The following SLC6A13 variants were observed in gnomAD, a reference collection of about 807,000 sequenced individuals.
SLC6A13 encodes the protein sodium- and chloride-dependent GABA transporter 2.
Under a neutral mutation model 72.9 loss-of-function variants are expected in SLC6A13, and 69 were observed. The observed-to-expected ratio is 0.95, with a 90% CI of 0.78 to 1.16. The LOEUF is 1.16. Among genes scored for constraint, SLC6A13 ranks in the 50% most tolerant of loss-of-function variants. The pLI is 0.00. For synonymous variants in SLC6A13, 303 were observed against 303.0 expected (o/e 1.00, Z 0.00); for missense variants, 735 against 760.5 (o/e 0.97, Z 0.39).
At position 220,770 on chromosome 12, in the gene SLC6A13, CCT is replaced by C; in HGVS notation, c.*176_*177del. ...GGCCTTTCACATCTGTTCAACAACC[CCT>C]GAGCTGAAAAGTTGCAGTGGGAGGC... On this transcript the variant is annotated 3_prime_UTR_variant, in exon 15 of 15. Transcript: ENST00000343164. The C allele has an allele frequency of 1.5e-6, 1 of 674,764 alleles. No homozygotes were observed. The allele number at this position is 674,764 out of a possible 1,614,324, so 41.8% of individuals were successfully genotyped here.
chr12:223,726 C>CAA (rs1330690528), intron 11 of SLC6A13: 2 of 439,886 alleles, frequency 4.5e-6, no homozygotes, highest in Non-Finnish European at 8.3e-6. Flanking sequence ...CAGCTTCTCC[C>CAA]AATCCAATGC....
chr12:258,041 G>C (rs1942804176), intron 2 of SLC6A13, among the ~76,000 whole-genome samples: 1 of 152,198 alleles, frequency 6.6e-6, no homozygotes, highest in African/African-American at 2.4e-5. Context: ...CGTCTCTCCT[G>C]ATTCTCCAAA....
intron 2 of SLC6A13, among the ~76,000 whole-genome samples, chr12:247,512 G>A (rs917018424): frequency 3.9e-5 from 6 of 152,240 alleles, no homozygotes; most frequent in East Asian, 1.9e-4. Flanking sequence ...TGTTCAAAAA[G>A]GAAAGTGAAA....
chr12:245,282 C>A (rs1942308532), intron 2 of SLC6A13, among the ~76,000 whole-genome samples: 2 of 152,228 alleles, frequency 1.3e-5, no homozygotes, highest in Admixed American at 1.3e-4. Context: ...ATAATTATCC[C>A]TAGACCGAGC....
Position 261,949 on chromosome 12 carries a change from T to C in SLC6A13, c.-6+840A>G, listed in dbSNP as rs547023950. 9.2e-4 allele frequency among the ~76,000 whole-genome samples: 137 copies of C among 148,852 alleles called. 2 individuals are homozygous for C. The highest frequency in any genetic ancestry group is 3.6e-3 in the Admixed American group (54 of 14,950). On this transcript the variant is annotated intron_variant, in intron 1 of 14. Transcript: ENST00000343164. ...TCAAAAAAAAGAAAAAAAAAAAAAG[T>C]CAGGGAACAGCAGGCATCTATGTTT... is the stretch of plus-strand genomic sequence containing the variant.
chr12:236,492 C>T (rs983070265), intron 6 of SLC6A13, among the ~76,000 whole-genome samples: 1 of 152,244 alleles, frequency 6.6e-6, no homozygotes, highest in Non-Finnish European at 1.5e-5. Context: ...ATCCCTTGAG[C>T]CACAGCCTCC....
chr12:234,431 C>G (rs1397733295), intron 7 of SLC6A13, among the ~76,000 whole-genome samples: 3 of 152,084 alleles, frequency 2.0e-5, no homozygotes, highest in African/African-American at 7.2e-5. Context: ...AACCAGTAGC[C>G]CTGGGGCTGC....
At chr12:256,015 C>T (rs146253020) in intron 2 of SLC6A13, among the ~76,000 whole-genome samples, 1 of 152,296 alleles carries the variant, frequency 6.6e-6, no homozygotes, top group East Asian at 1.9e-4. Flanking sequence ...AGGCTTTGCT[C>T]ACATGCTCTC....
At position 235,125 on chromosome 12, in the gene SLC6A13, G is replaced by A; in HGVS notation, c.796C>T (p.Leu266=). 1.2e-6 allele frequency: 2 copies of A among 1,614,216 alleles called. No individual in the cohort carries two copies. Among genetic ancestry groups the A allele is most frequent in the South Asian group, 1.1e-5 (1 of 91,082 alleles). The part of the protein sequence containing the change: ...PGAAQGIQFY[L]YPNLTRLWDP... ...CACAGACGCGTGAGGTTTGGGTACA[G>A]GTAAAACTGAATTCCTTGGGCTGCC... Residue 266 remains leucine, a synonymous_variant, in exon 7 of 15, where the codon CTG becomes TTG. Coordinates refer to ENST00000343164, the MANE Select transcript of SLC6A13 (RefSeq NM_016615.5).
chr12:231,160 G>C (rs905205298), intron 7 of SLC6A13, among the ~76,000 whole-genome samples: 1 of 152,216 alleles, frequency 6.6e-6, no homozygotes, highest in East Asian at 1.9e-4. Context: ...TAAAGCACAC[G>C]CTCCAGCAGA....
At chr12:260,343 G>A (rs994809304) in intron 1 of SLC6A13, among the ~76,000 whole-genome samples, 1 of 152,200 alleles carries the variant, frequency 6.6e-6, no homozygotes, top group African/African-American at 2.4e-5. Flanking sequence ...TGCAGACATG[G>A]AGGAGTTCAT....
At chr12:234,969 C>A in intron 7 of SLC6A13, 121 bp downstream of exon 7, 1 of 1,108,302 alleles carries the variant, frequency 9.0e-7, no homozygotes, top group Non-Finnish European at 1.3e-6. Context: ...TGCACCTCTG[C>A]TGCCACTGTG....
In SLC6A13 at chr12:235,184, A is replaced by G. The variant is rs771340967; in HGVS notation, c.737T>C (p.Val246Ala). ...CGTCACCCCTCGAATTAACAGGACC[A>G]CCAGCATGAGGTAAGGAAATGTGGC... Reference protein sequence around the residue: ...FTATFPYLMLVVLLIRGVTLP... With the variant: ...FTATFPYLMLAVLLIRGVTLP... Residue 246 changes from valine to alanine, a missense_variant, in exon 7 of 15, where the codon GTG becomes GCG. Coordinates refer to ENST00000343164, the MANE Select transcript of SLC6A13 (RefSeq NM_016615.5). 6 of 1,614,092 alleles carry G rather than the reference A, an allele frequency of 3.7e-6. No homozygotes were observed. The highest frequency in any genetic ancestry group is 5.1e-6 in the Non-Finnish European group (6 of 1,180,022).
rs140432857 is a variant in SLC6A13, at chr12:223,201, A to G, written c.1345T>C (p.Tyr449His). Residue 449 changes from tyrosine to histidine, a missense_variant, in exon 12 of 15, where the codon TAT (tyrosine) becomes CAT (histidine). Coordinates refer to ENST00000343164, the MANE Select transcript of SLC6A13 (RefSeq NM_016615.5). ...GMYVFQLFDY[Y>H]AASGMCLLFV... ...AGGAGGCACATGCCACTGGCCGCAT[A>G]GTAGTCAAAGAGCTGGAACACGTAC... is the stretch of plus-strand genomic sequence containing the variant. 2 of 1,613,698 alleles carry G rather than the reference A, an allele frequency of 1.2e-6. No homozygotes were observed. Among genetic ancestry groups the G allele is most frequent in the Non-Finnish European group, 1.7e-6 (2 of 1,179,602 alleles).
At chr12:242,777 G>A in intron 3 of SLC6A13, 23 bp from the exon 4 acceptor site, 4 of 1,562,358 alleles carry the variant, frequency 2.6e-6, no homozygotes, top group Non-Finnish European at 3.5e-6. Context: ...TGCAGAATTG[G>A]GCTAGGAACG....
intron 2 of SLC6A13, 67 bp from the exon 3 acceptor site, chr12:243,880 C>T: frequency 6.6e-7 from 1 of 1,506,710 alleles, no homozygotes; most frequent in Non-Finnish European, 9.0e-7. Context: ...TTCACCTCCT[C>T]CCATTACCAA....
chr12:249,454 A>T (rs1048806633), intron 2 of SLC6A13, among the ~76,000 whole-genome samples: 4 of 152,132 alleles, frequency 2.6e-5, no homozygotes, highest in African/African-American at 9.6e-5. Flanking sequence ...CTCAGTAAAG[A>T]TTCTATAGAT....
chr12:239,629 TTTTG>T (rs1201861981), intron 4 of SLC6A13, among the ~76,000 whole-genome samples: 1 of 152,236 alleles, frequency 6.6e-6, no homozygotes, highest in African/African-American at 2.4e-5. Context: ...TATTCACTTG[TTTTG>T]TTTATGTCTA....
At chr12:257,901 G>A (rs1286113377) in intron 2 of SLC6A13, among the ~76,000 whole-genome samples, 1 of 152,160 alleles carries the variant, frequency 6.6e-6, no homozygotes, top group African/African-American at 2.4e-5. Flanking sequence ...TTCCAGAGAG[G>A]CTTGGGGAAA....
Sources: gnomAD v4.1 joint callset for allele counts (sites outside exome capture counted in the v4.1 genomes callset) on GRCh38, gnomAD v4.1.1 for gene constraint, MANE v1.5 for transcripts, NCBI Gene and HGNC (gene_info 2026-07-23, HGNC 2026-07-21) for gene names.